Variants in LXN observed in about 807,000 individuals in gnomAD.
LXN encodes the protein MUM.
In LXN, 28 loss-of-function variants were observed where a neutral mutation model predicts 29.8. That is an observed-to-expected ratio of 0.94 (90% confidence interval 0.70 to 1.29). LXN has a LOEUF of 1.29. Among genes scored for constraint, LXN ranks in the 50% most tolerant of loss-of-function variants. The probability of loss-of-function intolerance (pLI) is 0.00; values close to 1 mark genes in which losing one functional copy is unlikely to be tolerated. For synonymous variants in LXN, 77 were observed against 89.6 expected (o/e 0.86, Z 0.80); for missense variants, 227 against 261.7 (o/e 0.87, Z 0.92).
Position 158,669,500 on chromosome 3 carries a change from T to C in LXN, c.303A>G (p.Glu101=). The C allele has an allele frequency of 6.2e-7, 1 of 1,614,024 alleles. No homozygotes were observed. The highest frequency in any genetic ancestry group is 8.5e-7 in the Non-Finnish European group (1 of 1,179,912). ...FEGETGKNPD[E]EDNTFYQRLK... ...GTCTTTGATAAAATGTGTTGTCTTCTTCATCTGGATTCTTTCCAGTTTCTC... is the reference window on the plus strand; with the variant it reads ...GTCTTTGATAAAATGTGTTGTCTTCCTCATCTGGATTCTTTCCAGTTTCTC... Residue 101 remains glutamate (E), a synonymous_variant, in exon 3 of 6, where the codon GAA becomes GAG. Coordinates refer to ENST00000264265, the MANE Select transcript of LXN (RefSeq NM_020169.4).
intron 4 of LXN, 26 bp downstream of exon 4, chr3:158,668,970 T>G: frequency 6.4e-7 from 1 of 1,556,526 alleles, no homozygotes. Flanking sequence ...ACCCCATTAA[T>G]AGTGTATTTT....
intron 4 of LXN, 141 bp from the exon 5 acceptor site, chr3:158,667,215 A>G (rs1334530030): frequency 4.3e-6 from 4 of 941,058 alleles, no homozygotes; most frequent in African/African-American, 3.5e-5. Flanking sequence ...CATAATTTCA[A>G]TTTAATGTGA....
At chr3:158,671,279 CTTTA>C (rs1162274553) in intron 1 of LXN, among the ~76,000 whole-genome samples, 2 of 152,178 alleles carry the variant, frequency 1.3e-5, no homozygotes, top group East Asian at 1.9e-4. Context: ...CATCAAAAGA[CTTTA>C]TTTAACCCCT....
At position 158,672,581 on chromosome 3, in the gene LXN, G is replaced by A. The variant is rs1201135074; in HGVS notation, c.-103C>T. 14 of 1,436,674 alleles carry A rather than the reference G, an allele frequency of 9.7e-6. No homozygotes were observed. The highest frequency in any genetic ancestry group is 2.4e-5 in the East Asian group (1 of 42,442). 89.0% of individuals were successfully genotyped at this position (1,436,674 alleles called of 1,614,324 possible). A position where few individuals can be genotyped will look rare whatever the true frequency, so the allele number is the denominator to read the frequency against. On this transcript the variant is annotated 5_prime_UTR_variant, in exon 1 of 6. Transcript: ENST00000264265. ...TGCTGCTGGGTCCGGTTGCCGAGGC[G>A]GAAAAGTCGCAAGCTCCTTCAGTCA...
rs1724454429 is a variant in LXN at position 158,672,595 on chromosome 3, C to T, written c.-117G>A. ...GTTGCCGAGGCGGAAAAGTCGCAAGCTCCTTCAGTCAGTCTTCTTCCTCAG... is the reference window on the plus strand; with the variant it reads ...GTTGCCGAGGCGGAAAAGTCGCAAGTTCCTTCAGTCAGTCTTCTTCCTCAG... On this transcript the variant is annotated 5_prime_UTR_variant, in exon 1 of 6. Transcript: ENST00000264265. 3 of 1,259,794 alleles carry T rather than the reference C, an allele frequency of 2.4e-6. No homozygotes were observed. Among genetic ancestry groups the T allele is most frequent in the Non-Finnish European group, 3.3e-6 (3 of 898,222 alleles). 78.0% of individuals were successfully genotyped at this position (1,259,794 alleles called of 1,614,324 possible). A position where few individuals can be genotyped will look rare whatever the true frequency, so the allele number is the denominator to read the frequency against.
intron 4 of LXN, among the ~76,000 whole-genome samples, chr3:158,668,308 G>A (rs1723913531): frequency 6.6e-6 from 1 of 151,996 alleles, no homozygotes; most frequent in Non-Finnish European, 1.5e-5. Flanking sequence ...TATATAAATA[G>A]TTGTTATATT....
intron 5 of LXN, 87 bp downstream of exon 5, chr3:158,666,925 A>G (rs1047166590): frequency 1.3e-5 from 20 of 1,524,616 alleles, no homozygotes; most frequent in Non-Finnish European, 1.7e-5. Context: ...ATTCTGATTT[A>G]GAGTCAAAAT....
Position 158,667,065 on chromosome 3 carries a change from C to T in LXN, c.517G>A (p.Asp173Asn), listed in dbSNP as rs1314147346. The change falls in exon 5 of 6, where the codon GAT becomes AAT. Residue 173 changes from aspartate to asparagine, a missense_variant. Physicochemically the swap from Asp to Asn is conservative, Grantham distance 23 (BLOSUM62 1). Transcript: ENST00000264265. ...GTGTAGTCTAATTCAATAAAGTCAT[C>T]ATTTCTTTGCTATGACAAAAAATAA... The part of the protein sequence containing the change: ...IQTVKQVQRN[D>N]DFIELDYTIL... 1.3e-6 allele frequency: 2 copies of T among 1,584,618 alleles called. No individual in the cohort carries two copies. Among genetic ancestry groups the T allele is most frequent in the African/African-American group, 2.7e-5 (2 of 73,550 alleles).
chr3:158,668,345 A>G (rs2108059193), intron 4 of LXN, among the ~76,000 whole-genome samples: 1 of 152,310 alleles, frequency 6.6e-6, no homozygotes, highest in East Asian at 1.9e-4. Flanking sequence ...CGAGAAAAAA[A>G]TCTGTGCATG....
chr3:158,666,893 GT>G, intron 5 of LXN, 118 bp downstream of exon 5: 1 of 1,471,898 alleles, frequency 6.8e-7, no homozygotes, highest in African/African-American at 1.4e-5. Flanking sequence ...CTTAAATCTG[GT>G]GCCTATCTGG....
Position 158,666,425 on chromosome 3 carries a change from T to G in LXN, c.*221A>C. On this transcript the variant is annotated 3_prime_UTR_variant, in exon 6 of 6. Transcript: ENST00000264265. ...GTAATTAAACATTATGAGGCTGAAA[T>G]TGAAGCTTTTTATTTTGGATATACA... is the stretch of plus-strand genomic sequence containing the variant. 1 of 1,524,646 alleles carries G rather than the reference T, an allele frequency of 6.6e-7. No homozygotes were observed. Among genetic ancestry groups the G allele is most frequent in the Non-Finnish European group, 9.1e-7 (1 of 1,099,130 alleles). 94.4% of individuals were successfully genotyped at this position (1,524,646 alleles called of 1,614,324 possible).
intron 4 of LXN, 28 bp downstream of exon 4, chr3:158,668,968 A>T: frequency 6.4e-7 from 1 of 1,551,374 alleles, no homozygotes; most frequent in Non-Finnish European, 8.9e-7. Context: ...TAACCCCATT[A>T]ATAGTGTATT....
At chr3:158,670,322 G>C (rs1276595237) in intron 2 of LXN, among the ~76,000 whole-genome samples, 1 of 152,184 alleles carries the variant, frequency 6.6e-6, no homozygotes, top group Non-Finnish European at 1.5e-5. Context: ...ATATCTAAGA[G>C]CACGTTCTTT....
chr3:158,669,219 T>G, intron 3 of LXN, 87 bp from the exon 4 acceptor site: 1 of 1,392,232 alleles, frequency 7.2e-7, no homozygotes, highest in Non-Finnish European at 9.8e-7. Flanking sequence ...TGTCTTAGTT[T>G]CCTTCGAATG....
intron 2 of LXN, among the ~76,000 whole-genome samples, chr3:158,670,064 A>T (rs568594940): frequency 1.3e-5 from 2 of 152,354 alleles, no homozygotes; most frequent in South Asian, 4.1e-4. Flanking sequence ...GCATTGGGTT[A>T]TGCTTTGTAA....
chr3:158,672,097 T>TTGTAACTG (rs1451101093), intron 1 of LXN, among the ~76,000 whole-genome samples: 1 of 152,206 alleles, frequency 6.6e-6, no homozygotes, highest in Non-Finnish European at 1.5e-5. Flanking sequence ...TCCCGTTTTC[T>TTGTAACTG]TGTAACTGTG....
rs115108034 is a variant in LXN at position 158,671,006 on chromosome 3, C to T, written c.143G>A (p.Arg48Lys). Residue 48 changes from arginine to lysine, a missense_variant, in exon 2 of 6, where the codon AGA becomes AAA. Coordinates refer to ENST00000264265, the MANE Select transcript of LXN (RefSeq NM_020169.4). ...KQASMEDIPG[R>K]GHKYHLKFAV... Reference sequence around the variant, plus strand: ...AAATTTAAGGTGATACTTATGTCCTCTTCCTGGAATATCCTAAAATTAAGA... The same window carrying T: ...AAATTTAAGGTGATACTTATGTCCTTTTCCTGGAATATCCTAAAATTAAGA... The T allele has an allele frequency of 6.3e-3, 9,698 of 1,531,514 alleles. 58 individuals are homozygous for T. The highest frequency in any genetic ancestry group is 6.6e-3 in the Non-Finnish European group (7,572 of 1,143,108). 94.9% of individuals were successfully genotyped at this position (1,531,514 alleles called of 1,614,324 possible).
intron 2 of LXN, 100 bp from the exon 3 acceptor site, chr3:158,669,710 T>G: frequency 2.6e-6 from 3 of 1,133,234 alleles, no homozygotes; most frequent in Non-Finnish European, 3.8e-6. Flanking sequence ...CTAATGGTGT[T>G]GTTTTAGACT....
chr3:158,672,579 G>A lies in LXN; in HGVS notation c.-101C>T. On this transcript the variant is annotated 5_prime_UTR_variant, in exon 1 of 6. Transcript: ENST00000264265. The stretch of plus-strand genomic sequence containing the variant: ...CTTGCTGCTGGGTCCGGTTGCCGAG[G>A]CGGAAAAGTCGCAAGCTCCTTCAGT... 1 of 1,481,102 alleles carries A rather than the reference G, an allele frequency of 6.8e-7. No homozygotes were observed. Among genetic ancestry groups the A allele is most frequent in the Non-Finnish European group, 9.2e-7 (1 of 1,084,304 alleles). 91.7% of individuals were successfully genotyped at this position (1,481,102 alleles called of 1,614,324 possible). A position where few individuals can be genotyped will look rare whatever the true frequency, so the allele number is the denominator to read the frequency against.
Sources: allele counts gnomAD v4.1 joint callset (sites outside exome capture counted in the v4.1 genomes callset), GRCh38; gene constraint gnomAD v4.1.1; transcripts MANE v1.5; gene names NCBI Gene and HGNC (gene_info 2026-07-23, HGNC 2026-07-21).